Variants in KATNAL2 observed in about 807,000 individuals in gnomAD.
The protein encoded by KATNAL2 is katanin catalytic subunit A1 like 2.
A neutral mutation model predicts 76.3 loss-of-function variants in KATNAL2; 52 were observed. The observed-to-expected ratio is 0.68, with a 90% confidence interval of 0.55 to 0.86. The LOEUF (loss-of-function observed/expected upper bound fraction) is 0.86, where lower values mean the gene tolerates loss of function less well. Among genes scored for constraint, KATNAL2 ranks in the 40% least tolerant of loss-of-function variants. The pLI, the probability that KATNAL2 is intolerant of heterozygous loss-of-function variation, is 0.00. For missense variants in KATNAL2, 660 were observed against 668.9 expected (o/e 0.99, Z 0.15); for synonymous variants, 243 against 244.2 (o/e 1.00, Z 0.05).
At chr18:47,034,728 C>G in intron 3 of KATNAL2, 2 of 1,612,992 alleles carry the variant, frequency 1.2e-6, no homozygotes, top group South Asian at 1.1e-5. Context: ...CCTCGGGCAT[C>G]CGGAGGGGAG....
chr18:47,058,251 T>C lies in KATNAL2; in HGVS notation c.349T>C (p.Cys117Arg), dbSNP rs200899574. Reference protein sequence around the residue: ...GKTRRMMNDSCQNLPKINQQR... With the variant: ...GKTRRMMNDSRQNLPKINQQR... The stretch of plus-strand genomic sequence containing the variant: ...CTCCCTTAGGATGATGAACGACAGT[T>C]GTCAAAATCTTCCCAAGATCAATCA... Residue 117 changes from cysteine to arginine, a missense_variant, in exon 7 of 18, where the codon TGT becomes CGT. Coordinates refer to ENST00000683218, the MANE Select transcript of KATNAL2 (RefSeq NM_001387690.1). The C allele has an allele frequency of 6.2e-7, 1 of 1,613,348 alleles. No homozygotes were observed. Among genetic ancestry groups the C allele is most frequent in the Non-Finnish European group, 8.5e-7 (1 of 1,179,284 alleles).
chr18:46,952,329 C>G (rs1056539184), intron 3 of KATNAL2, among the ~76,000 whole-genome samples: 28 of 152,042 alleles, frequency 1.8e-4, no homozygotes, highest in African/African-American at 6.8e-4. Context: ...CCCCCACCCA[C>G]CACCTAGGCC....
intron 1 of KATNAL2, among the ~76,000 whole-genome samples, chr18:46,936,568 C>CA (rs1479716164): frequency 2.6e-5 from 4 of 152,100 alleles, no homozygotes; most frequent in Admixed American, 6.6e-5. Flanking sequence ...AGCGAGATTC[C>CA]ATCTCAAATG....
At chr18:46,931,892 CT>C (rs1296082081) in intron 1 of KATNAL2, among the ~76,000 whole-genome samples, 1 of 150,418 alleles carries the variant, frequency 6.6e-6, no homozygotes, top group Non-Finnish European at 1.5e-5. Context: ...CAAGAATTTT[CT>C]TTTTTTTTCT....
chr18:47,031,421 T>G (rs1569043006), intron 3 of KATNAL2, among the ~76,000 whole-genome samples: 1 of 152,146 alleles, frequency 6.6e-6, no homozygotes, highest in East Asian at 1.9e-4. Context: ...CTCTCTGTCT[T>G]TCTTTTTGTG....
intron 3 of KATNAL2, among the ~76,000 whole-genome samples, chr18:47,044,696 G>C (rs564116311): frequency 3.1e-4 from 46 of 150,764 alleles, no homozygotes; most frequent in Non-Finnish European, 5.7e-4. Flanking sequence ...GGGAGGCAGA[G>C]TTTGCAGTGA....
intron 15 of KATNAL2, among the ~76,000 whole-genome samples, chr18:47,086,968 C>T (rs1437307741): frequency 6.6e-6 from 1 of 152,178 alleles, no homozygotes; most frequent in Non-Finnish European, 1.5e-5. Context: ...GCGAATCATA[C>T]ATTTCAAACC....
intron 1 of KATNAL2, among the ~76,000 whole-genome samples, chr18:46,945,488 A>C (rs889515127): frequency 1.3e-5 from 2 of 152,194 alleles, no homozygotes; most frequent in Non-Finnish European, 2.9e-5. Flanking sequence ...CATTGTAAGC[A>C]GTTCGCTTGT....
chr18:47,069,323 G>A, intron 12 of KATNAL2, 40 bp downstream of exon 12: 1 of 1,539,526 alleles, frequency 6.5e-7, no homozygotes, highest in Non-Finnish European at 8.9e-7. Context: ...TGTTAAGTGT[G>A]TGTGCAGAGG....
chr18:47,040,744 G>C (rs1208622314), intron 3 of KATNAL2, among the ~76,000 whole-genome samples: 4 of 152,072 alleles, frequency 2.6e-5, no homozygotes, highest in Non-Finnish European at 5.9e-5. Flanking sequence ...GGCCAGCCTG[G>C]TAACATGGTG....
At chr18:47,053,153 A>T in intron 5 of KATNAL2, 107 bp downstream of exon 5, 1 of 908,204 alleles carries the variant, frequency 1.1e-6, no homozygotes, top group Non-Finnish European at 1.6e-6. Flanking sequence ...GCACCAAAGG[A>T]GTAGGCCAGG....
chr18:47,082,986 T>C (rs887443835), intron 15 of KATNAL2, among the ~76,000 whole-genome samples: 2 of 152,232 alleles, frequency 1.3e-5, no homozygotes, highest in African/African-American at 4.8e-5. Flanking sequence ...TTGTAATGGC[T>C]GCCCAAAATT....
At chr18:46,958,090 C>T (rs1230667457) in intron 3 of KATNAL2, among the ~76,000 whole-genome samples, 4 of 152,052 alleles carry the variant, frequency 2.6e-5, no homozygotes, top group Non-Finnish European at 4.4e-5. Flanking sequence ...GAGGGAATTC[C>T]TACTTTCTGA....
At chr18:47,087,193 G>A (rs1350402514) in intron 15 of KATNAL2, among the ~76,000 whole-genome samples, 1 of 151,838 alleles carries the variant, frequency 6.6e-6, no homozygotes, top group Non-Finnish European at 1.5e-5. Flanking sequence ...TACTCTTTTG[G>A]TTATTTTAAA....
intron 3 of KATNAL2, among the ~76,000 whole-genome samples, chr18:46,952,393 GT>G (rs35596537): frequency 0.17 from 10,766 of 63,994 alleles, 119 homozygotes; most frequent in Non-Finnish European, 0.2. Flanking sequence ...CTGCAGGTAT[GT>G]TTTTTTTTTT....
At chr18:47,060,212 G>T (rs1339390373) in intron 8 of KATNAL2, among the ~76,000 whole-genome samples, 1 of 152,034 alleles carries the variant, frequency 6.6e-6, no homozygotes. Context: ...GCCCAGGCTG[G>T]TTTCAAACTT....
chr18:47,048,828 CTTTTTTTT>C (rs35366730), intron 4 of KATNAL2, among the ~76,000 whole-genome samples: 1 of 76,722 alleles, frequency 1.3e-5, no homozygotes, highest in African/African-American at 5.3e-5. Flanking sequence ...AAGCCAGACT[CTTTTTTTT>C]TTTTTTTTTT....
chr18:47,079,162 T>C (rs1288760729), intron 15 of KATNAL2, among the ~76,000 whole-genome samples: 1 of 151,976 alleles, frequency 6.6e-6, no homozygotes, highest in Non-Finnish European at 1.5e-5. Flanking sequence ...TATTCAACTA[T>C]TATGTTATTT....
rs115697498 is a variant in KATNAL2, at chr18:47,088,427, A to T, written c.1212-10816A>T. Among the ~76,000 whole-genome samples, 1,152 of 152,320 alleles carry T rather than the reference A, an allele frequency of 7.6e-3. 9 individuals carry two copies. The highest frequency in any genetic ancestry group is 0.026 in the African/African-American group (1,062 of 41,556). On this transcript the variant is annotated intron_variant, in intron 15 of 17. Coordinates refer to ENST00000683218, the MANE Select transcript of KATNAL2 (RefSeq NM_001387690.1). Reference sequence around the variant, plus strand: ...AAGAATGGGCTACTCCATCTTGGCCAAAGGAAAAGTCTTGTTCATATTTTT... The same window carrying T: ...AAGAATGGGCTACTCCATCTTGGCCTAAGGAAAAGTCTTGTTCATATTTTT...
Sources: allele counts gnomAD v4.1 joint callset (sites outside exome capture counted in the v4.1 genomes callset), GRCh38; gene constraint gnomAD v4.1.1; transcripts MANE v1.5; gene names NCBI Gene and HGNC (gene_info 2026-07-23, HGNC 2026-07-21).